Variants in RIT2 observed in about 807,000 individuals in gnomAD.
The protein encoded by RIT2 is Ras like without CAAX 2.
A neutral mutation model predicts 23.7 loss-of-function variants in RIT2; 24 were observed. The observed-to-expected ratio is 1.01, with a 90% CI of 0.73 to 1.43. RIT2 has a LOEUF of 1.43. Ranked by LOEUF, RIT2 falls within the 40% of genes most tolerant of loss-of-function variation. The pLI is 0.00. For missense variants in RIT2, 236 were observed against 266.9 expected (o/e 0.88, Z 0.81); for synonymous variants, 107 against 91.1 (o/e 1.17, Z -0.99).
chr18:43,026,610 AAG>A (rs1911731247), intron 2 of RIT2, among the ~76,000 whole-genome samples: 3 of 149,860 alleles, frequency 2.0e-5, no homozygotes, highest in African/African-American at 7.3e-5. Flanking sequence ...GAAAGAAAGA[AAG>A]AAAGAAAGAA....
intron 1 of RIT2, among the ~76,000 whole-genome samples, chr18:43,105,513 G>GAAGGGAGGAAGA (rs1345609701): frequency 1.4e-4 from 17 of 123,246 alleles, no homozygotes; most frequent in Middle Eastern, 4.1e-3. Context: ...AGGGAGGGAG[G>GAAGGGAGGAAGA]GAGGGAATGA....
chr18:42,881,331 A>G (rs939533589), intron 4 of RIT2, among the ~76,000 whole-genome samples: 2 of 152,208 alleles, frequency 1.3e-5, no homozygotes, highest in African/African-American at 4.8e-5. Context: ...CAATTTTTGC[A>G]TGTCTTCTCT....
chr18:43,036,269 G>A (rs1405187634), intron 1 of RIT2, among the ~76,000 whole-genome samples: 1 of 152,240 alleles, frequency 6.6e-6, no homozygotes, highest in African/African-American at 2.4e-5. Context: ...GCCGGGAGCA[G>A]TGGCTCACGC....
chr18:43,030,423 TG>T (rs1911826941), intron 2 of RIT2, among the ~76,000 whole-genome samples: 1 of 152,018 alleles, frequency 6.6e-6, no homozygotes, highest in Admixed American at 6.6e-5. Flanking sequence ...TGGATGTGGT[TG>T]ATGCCCAAGA....
intron 3 of RIT2, among the ~76,000 whole-genome samples, chr18:42,949,825 T>C (rs1909808227): frequency 1.3e-5 from 2 of 152,104 alleles, no homozygotes; most frequent in Non-Finnish European, 2.9e-5. Flanking sequence ...TCTCACTGAA[T>C]CTTTACCCCA....
At chr18:42,778,270 C>A (rs1336289969) in intron 4 of RIT2, among the ~76,000 whole-genome samples, 1 of 152,142 alleles carries the variant, frequency 6.6e-6, no homozygotes, top group Non-Finnish European at 1.5e-5. Flanking sequence ...AAAAAAAAAT[C>A]TTTACAGAAA....
intron 1 of RIT2, among the ~76,000 whole-genome samples, chr18:43,111,396 A>C (rs1176279647): frequency 6.6e-6 from 1 of 152,050 alleles, no homozygotes; most frequent in African/African-American, 2.4e-5. Context: ...CAACAGGGTC[A>C]TTATCATCAC....
intron 2 of RIT2, among the ~76,000 whole-genome samples, chr18:43,027,270 G>A (rs7504820): frequency 0.96 from 146,272 of 152,228 alleles, 70,527 homozygotes; most frequent in East Asian, 1. Context: ...TTTATAGCAA[G>A]GCAGTGGAGA....
intron 4 of RIT2, among the ~76,000 whole-genome samples, chr18:42,826,750 T>G (rs1906307946): frequency 6.6e-6 from 1 of 152,094 alleles, no homozygotes; most frequent in African/African-American, 2.4e-5. Flanking sequence ...ATGTAAGAAT[T>G]AGGTGAGTTC....
intron 2 of RIT2, among the ~76,000 whole-genome samples, chr18:42,997,263 C>T (rs1236207125): frequency 6.6e-6 from 1 of 152,120 alleles, no homozygotes; most frequent in Admixed American, 6.6e-5. Context: ...TCAGCAGAAA[C>T]TCAAAGATGT....
chr18:43,045,993 T>C (rs1912238332), intron 1 of RIT2, among the ~76,000 whole-genome samples: 1 of 152,204 alleles, frequency 6.6e-6, no homozygotes, highest in Non-Finnish European at 1.5e-5. Context: ...TTTTGGTTTA[T>C]ACATTATTTT....
intron 4 of RIT2, among the ~76,000 whole-genome samples, chr18:42,801,208 CT>C (rs1905532317): frequency 6.6e-6 from 1 of 152,110 alleles, no homozygotes; most frequent in Non-Finnish European, 1.5e-5. Flanking sequence ...CACTTCTAGT[CT>C]TTAATTTTTA....
intron 4 of RIT2, among the ~76,000 whole-genome samples, chr18:42,861,605 T>C (rs759146929): frequency 2.0e-5 from 3 of 152,220 alleles, no homozygotes; most frequent in Admixed American, 1.3e-4. Flanking sequence ...GGCTCAGAAA[T>C]ATAACAGAGA....
intron 4 of RIT2, among the ~76,000 whole-genome samples, chr18:42,852,300 G>A (rs184534963): frequency 2.0e-3 from 300 of 152,180 alleles, no homozygotes; most frequent in African/African-American, 6.6e-3. Flanking sequence ...TTAAAACTTA[G>A]GAAAGGCCAG....
At position 42,743,769 on chromosome 18, in the gene RIT2, T is replaced by C. The variant is rs752943714; in HGVS notation, c.427-49A>G. The C allele has an allele frequency of 3.6e-6, 5 of 1,393,180 alleles. No individual in the cohort carries two copies. The Admixed American group carries it at 1.1e-4, about 30-fold the overall frequency. The allele number at this position is 1,393,180 out of a possible 1,614,324, so 86.3% of individuals were successfully genotyped here. Reference sequence around the variant, plus strand: ...AAAAAGACAGAAAGAGAAAGACTCTTCAATTAAAAATACGTTCTCTACTAG... The same window carrying C: ...AAAAAGACAGAAAGAGAAAGACTCTCCAATTAAAAATACGTTCTCTACTAG... On this transcript the variant is annotated intron_variant, in intron 4 of 4. Coordinates refer to ENST00000326695, the MANE Select transcript of RIT2 (RefSeq NM_002930.4).
At chr18:43,070,319 T>C (rs1334756836) in intron 1 of RIT2, among the ~76,000 whole-genome samples, 1 of 152,200 alleles carries the variant, frequency 6.6e-6, no homozygotes, top group Non-Finnish European at 1.5e-5. Flanking sequence ...ATAATCACAA[T>C]TTCTCTTTCT....
chr18:42,852,640 A>G (rs1260692033), intron 4 of RIT2, among the ~76,000 whole-genome samples: 1 of 152,142 alleles, frequency 6.6e-6, no homozygotes, highest in Non-Finnish European at 1.5e-5. Context: ...GTCCTCTTCT[A>G]TGATCACATG....
chr18:42,976,846 G>A (rs868024118), intron 2 of RIT2, among the ~76,000 whole-genome samples: 3 of 152,130 alleles, frequency 2.0e-5, no homozygotes, highest in Middle Eastern at 6.8e-3. Context: ...AGTAATTCAG[G>A]TGAGAAATAA....
intron 4 of RIT2, among the ~76,000 whole-genome samples, chr18:42,760,108 C>G (rs621000): frequency 0.65 from 98,673 of 152,136 alleles, 35,942 homozygotes; most frequent in Middle Eastern, 0.83. Context: ...CTCTAAGTGT[C>G]TTTGATAATA....
Sources: allele counts gnomAD v4.1 joint callset (sites outside exome capture counted in the v4.1 genomes callset), GRCh38; gene constraint gnomAD v4.1.1; transcripts MANE v1.5; gene names NCBI Gene and HGNC (gene_info 2026-07-23, HGNC 2026-07-21).